ZNF532: variants seen among roughly 807,000 people sequenced by gnomAD.
ZNF532 encodes the protein zinc finger protein 532.
ZNF532 carries 22 observed loss-of-function variants against 89.3 expected under a neutral mutation model. That is an observed-to-expected ratio of 0.25 (90% CI 0.18 to 0.35). ZNF532 has a LOEUF of 0.35. ZNF532 is among the 10% of genes least tolerant of loss of function. The pLI, the probability that ZNF532 is intolerant of heterozygous loss-of-function variation, is 1.00. For synonymous variants in ZNF532, 606 were observed against 649.6 expected (o/e 0.93, Z 1.02); for missense variants, 1,132 against 1,643.4 (o/e 0.69, Z 5.38).
rs750083802 is a variant in ZNF532, at chr18:58,920,384, C to T, written c.2097C>T (p.Ser699=). ...TAGTTTCTCCGTCAAGCAATACTTC[C>T]ACTTCAACTTCCACTCTTCAGAGCC... ...QMIVSPSSNT[S]TSTSTLQSPV... Residue 699 remains serine (S), a synonymous_variant, in exon 3 of 10, where the codon TCC becomes TCT. Coordinates refer to ENST00000591808, the MANE Select transcript of ZNF532 (RefSeq NM_001375912.1). The T allele has an allele frequency of 1.9e-6, 3 of 1,613,942 alleles. No individual in the cohort carries two copies. The highest frequency in any genetic ancestry group is 1.7e-5 in the Admixed American group (1 of 60,010).
At chr18:58,963,695 C>T (rs900427516) in intron 7 of ZNF532, among the ~76,000 whole-genome samples, 1 of 151,216 alleles carries the variant, frequency 6.6e-6, no homozygotes, top group Non-Finnish European at 1.5e-5. Flanking sequence ...CAGTGGCTCA[C>T]GCCTGTAATC....
chr18:58,866,744 G>A lies in ZNF532; in HGVS notation c.-18+1165G>A, dbSNP rs534071841. Among the ~76,000 whole-genome samples the A allele has an allele frequency of 7.9e-5, 12 of 152,318 alleles. 1 individual carries two copies. In the South Asian group the frequency reaches 2.5e-3, roughly 32 times the overall value. On this transcript the variant is annotated intron_variant, in intron 2 of 9. Coordinates refer to ENST00000591808, the MANE Select transcript of ZNF532 (RefSeq NM_001375912.1). ...AGTGAAGGACGTCAAGTATGCAAGG[G>A]TTTTATTGTTAAAATGTTTTTCATT...
At chr18:58,977,098 ACAG>A (rs1370075740) in intron 7 of ZNF532, among the ~76,000 whole-genome samples, 1 of 152,136 alleles carries the variant, frequency 6.6e-6, no homozygotes, top group Non-Finnish European at 1.5e-5. Context: ...CCAGAGATGA[ACAG>A]CATTGGTATA....
intron 2 of ZNF532, among the ~76,000 whole-genome samples, chr18:58,915,495 GGGGTTT>G (rs1293245563): frequency 6.6e-6 from 1 of 152,206 alleles, no homozygotes; most frequent in Non-Finnish European, 1.5e-5. Context: ...AACCCCTTGA[GGGGTTT>G]GCAGGCATGG....
chr18:58,905,486 GC>G (rs1271451758), intron 2 of ZNF532, among the ~76,000 whole-genome samples: 7 of 149,292 alleles, frequency 4.7e-5, no homozygotes, highest in African/African-American at 1.7e-4. Context: ...TGCAGCCTCT[GC>G]CTCCAGGGCT....
Position 58,865,187 on chromosome 18 carries a change from C to T in ZNF532, c.-326C>T, listed in dbSNP as rs1030100842. 6.6e-6 allele frequency: 1 copy of T among 151,772 alleles called. No homozygotes were observed. Among genetic ancestry groups the T allele is most frequent in the Non-Finnish European group, 1.5e-5 (1 of 67,976 alleles). 9.4% of individuals were successfully genotyped at this position (151,772 alleles called of 1,614,324 possible). A position where few individuals can be genotyped will look rare whatever the true frequency, so the allele number is the denominator to read the frequency against. On this transcript the variant is annotated 5_prime_UTR_variant, in exon 1 of 10. Coordinates refer to ENST00000591808, the MANE Select transcript of ZNF532 (RefSeq NM_001375912.1). Reference sequence around the variant, plus strand: ...TGGGGACACTTGGTTGATGCAGTCTCTCTCTCTCTTTCTCGGTGTTTATAA... The same window carrying T: ...TGGGGACACTTGGTTGATGCAGTCTTTCTCTCTCTTTCTCGGTGTTTATAA...
At chr18:58,924,542 G>A (rs2061379070) in intron 3 of ZNF532, among the ~76,000 whole-genome samples, 1 of 152,242 alleles carries the variant, frequency 6.6e-6, no homozygotes, top group African/African-American at 2.4e-5. Flanking sequence ...TGGGTCTGGA[G>A]AAAGGTATGA....
At chr18:58,922,960 ACT>A (rs1223711637) in intron 3 of ZNF532, among the ~76,000 whole-genome samples, 1 of 150,984 alleles carries the variant, frequency 6.6e-6, no homozygotes, top group East Asian at 2.0e-4. Context: ...AACGGGTGAA[ACT>A]CTGTCCCCAG....
chr18:58,958,603 CAG>C (rs1472292631), intron 7 of ZNF532, among the ~76,000 whole-genome samples: 5 of 152,220 alleles, frequency 3.3e-5, no homozygotes, highest in Non-Finnish European at 5.9e-5. Flanking sequence ...TTGTGCCTTG[CAG>C]AGTATCTCTG....
chr18:58,890,037 C>T (rs935119259), intron 2 of ZNF532, among the ~76,000 whole-genome samples: 6 of 151,286 alleles, frequency 4.0e-5, no homozygotes, highest in South Asian at 2.1e-4. Context: ...AAGCCAAGAT[C>T]GCGCCACTGC....
At chr18:58,890,077 T>C (rs1274476219) in intron 2 of ZNF532, among the ~76,000 whole-genome samples, 7 of 150,104 alleles carry the variant, frequency 4.7e-5, no homozygotes, top group Admixed American at 1.3e-4. Context: ...TGAGACTGTG[T>C]TTAAAAAAGA....
At chr18:58,866,177 A>T (rs1016523164) in intron 2 of ZNF532, among the ~76,000 whole-genome samples, 2 of 152,166 alleles carry the variant, frequency 1.3e-5, no homozygotes, top group African/African-American at 4.8e-5. Flanking sequence ...ATGCAATACC[A>T]GGGGGAAGCC....
In ZNF532 at chr18:58,984,220, G is replaced by A. The variant is rs1399522431; in HGVS notation, c.3660G>A (p.Arg1220=). ...LCYTSHVSLS[R]HLFIVHKLKE... ...ACACGTCTCACGTCTCTCTGTCCAG[G>A]CACCTCTTCATCGTACACAAGTTAA... Residue 1220 remains arginine (R), a synonymous_variant, in exon 10 of 10, where the codon AGG becomes AGA. Coordinates refer to ENST00000591808, the MANE Select transcript of ZNF532 (RefSeq NM_001375912.1). 1.9e-6 allele frequency: 3 copies of A among 1,611,848 alleles called. No individual in the cohort carries two copies. Among genetic ancestry groups the A allele is most frequent in the Admixed American group, 3.3e-5 (2 of 59,982 alleles).
chr18:58,916,772 G>C (rs1042294394), intron 2 of ZNF532: 6 of 981,230 alleles, frequency 6.1e-6, no homozygotes, highest in Non-Finnish European at 7.3e-6. Flanking sequence ...ATAGATTTGT[G>C]GTGTATATGA....
intron 2 of ZNF532, among the ~76,000 whole-genome samples, chr18:58,887,541 C>T (rs2058388945): frequency 6.6e-6 from 1 of 152,114 alleles, no homozygotes; most frequent in Non-Finnish European, 1.5e-5. Context: ...CGGGGTGATG[C>T]AGCCCTCTGC....
At chr18:58,908,731 A>C (rs1296844589) in intron 2 of ZNF532, among the ~76,000 whole-genome samples, 1 of 152,206 alleles carries the variant, frequency 6.6e-6, no homozygotes, top group East Asian at 1.9e-4. Flanking sequence ...ATGGATCAGA[A>C]AAAATGACCT....
chr18:58,954,125 C>G (rs1214729950), intron 7 of ZNF532: 2 of 990,920 alleles, frequency 2.0e-6, no homozygotes. Context: ...GAATTTACCT[C>G]TATCCTTGTG....
At chr18:58,959,260 G>GTTTTTTTTTTTTTTTTTTTT (rs1459830009) in intron 7 of ZNF532, among the ~76,000 whole-genome samples, 1 of 128,710 alleles carries the variant, frequency 7.8e-6, no homozygotes, top group Non-Finnish European at 1.6e-5. Context: ...TTTGTTTTTT[G>GTTTTTTTTTTTTTTTTTTTT]TTTTTTTTTG....
rs2060836405 is a variant in ZNF532, at chr18:58,919,177, C to T, written c.890C>T (p.Ser297Phe). ...GAACCAGTGGCCAATTCGAGGGAAT[C>T]CTCCCCGTTACCAAAAGAAGTAAAT... ...CKEPVANSRE[S>F]SPLPKEVNDS... The change falls in exon 3 of 10, where the codon TCC (serine) becomes TTC (phenylalanine). Residue 297 changes from serine to phenylalanine, a missense_variant. Physicochemically the swap from Ser to Phe is radical, Grantham distance 155. Around this residue, in one of 9 missense-constraint regions of ZNF532, gnomAD observed 124 missense variants for 191.6 expected, o/e 0.65. Coordinates refer to ENST00000591808, the MANE Select transcript of ZNF532 (RefSeq NM_001375912.1). This position sits in a 1 kb window ranked among gnomAD's most constrained non-coding sequence, Gnocchi z 6.1. 1.2e-6 allele frequency: 2 copies of T among 1,614,044 alleles called. No individual in the cohort carries two copies. Among genetic ancestry groups the T allele is most frequent in the Non-Finnish European group, 1.7e-6 (2 of 1,180,026 alleles).
Sources: gnomAD v4.1 joint callset for allele counts (sites outside exome capture counted in the v4.1 genomes callset) on GRCh38, gnomAD v4.1.1 for gene constraint, gnomAD v4.1.1 regional missense constraint, Gnocchi (gnomAD v3.1) non-coding constraint, MANE v1.5 for transcripts, NCBI Gene and HGNC (gene_info 2026-07-23, HGNC 2026-07-21) for gene names.